The following ZFYVE16 variants were observed in gnomAD, a reference collection of about 807,000 sequenced individuals.
ZFYVE16 encodes zinc finger FYVE domain-containing protein 16.
In ZFYVE16, 89 loss-of-function variants were observed where a neutral mutation model predicts 138.1. The observed-to-expected ratio is 0.64, with a 90% CI of 0.54 to 0.77. The LOEUF is 0.77. Ranked by LOEUF, ZFYVE16 falls within the 30% of genes least tolerant of loss-of-function variation. The pLI is 0.00. For missense variants in ZFYVE16, 1,793 were observed against 1,786.7 expected (o/e 1.00, Z -0.06); for synonymous variants, 596 against 618.3 (o/e 0.96, Z 0.53).
At chr5:80,413,196 G>A (rs188087651) in intron 1 of ZFYVE16, among the ~76,000 whole-genome samples, 9 of 152,144 alleles carry the variant, frequency 5.9e-5, no homozygotes, top group African/African-American at 1.9e-4. Context: ...AGAGGGCTGG[G>A]TGCGGTGGCT....
At chr5:80,470,364 G>A (rs1706365400) in intron 15 of ZFYVE16, among the ~76,000 whole-genome samples, 1 of 151,992 alleles carries the variant, frequency 6.6e-6, no homozygotes, top group Admixed American at 6.6e-5. Context: ...GCCTCCCAAA[G>A]TGCTGGGATT....
At chr5:80,433,024 T>C (rs1179474859) in intron 2 of ZFYVE16, among the ~76,000 whole-genome samples, 4 of 152,160 alleles carry the variant, frequency 2.6e-5, no homozygotes, top group South Asian at 2.1e-4. Flanking sequence ...TGGACGTCAG[T>C]GTGGCGATTC....
intron 3 of ZFYVE16, among the ~76,000 whole-genome samples, chr5:80,434,747 A>G (rs1749631278): frequency 6.6e-6 from 1 of 152,206 alleles, no homozygotes; most frequent in Non-Finnish European, 1.5e-5. Context: ...TTGGGATTAT[A>G]GGCATGAGTC....
rs1755334370 is a variant in ZFYVE16 at position 80,483,220 on chromosome 5, A to C, written c.*5843A>C. 6.6e-6 allele frequency: 1 copy of C among 152,254 alleles called. No homozygotes were observed. Among genetic ancestry groups the C allele is most frequent in the African/African-American group, 2.4e-5 (1 of 41,470 alleles). The allele number at this position is 152,254 out of a possible 1,614,324, so 9.4% of individuals were successfully genotyped here. On this transcript the variant is annotated 3_prime_UTR_variant, in exon 19 of 19. Coordinates refer to ENST00000505560, the MANE Select transcript of ZFYVE16 (RefSeq NM_001284236.3). The stretch of plus-strand genomic sequence containing the variant: ...AAAGCTAAAATAATTCATTGCTAGT[A>C]GTCCTCCTTTAACAGAAATGGTAAA...
intron 15 of ZFYVE16, 96 bp from the exon 16 acceptor site, chr5:80,472,665 A>T: frequency 8.4e-7 from 1 of 1,193,986 alleles, no homozygotes. Flanking sequence ...TAAAACTTGT[A>T]TCTTACACAG....
At chr5:80,422,248 G>A (rs887622527) in intron 1 of ZFYVE16, among the ~76,000 whole-genome samples, 1 of 152,032 alleles carries the variant, frequency 6.6e-6, no homozygotes, top group Non-Finnish European at 1.5e-5. Context: ...GTCTTATTGC[G>A]CTAGCCAAGG....
At chr5:80,408,993 T>G (rs1188428283) in intron 1 of ZFYVE16, among the ~76,000 whole-genome samples, 1 of 152,220 alleles carries the variant, frequency 6.6e-6, no homozygotes. Context: ...TCTTCCTTTT[T>G]TTCCTCTCCT....
chr5:80,458,731 A>G (rs1752790715), intron 14 of ZFYVE16, among the ~76,000 whole-genome samples: 1 of 152,180 alleles, frequency 6.6e-6, no homozygotes, highest in South Asian at 2.1e-4. Context: ...TAAATTCCCA[A>G]AAGTGGAATT....
chr5:80,460,409 T>C (rs1752978579), intron 15 of ZFYVE16, among the ~76,000 whole-genome samples: 1 of 152,200 alleles, frequency 6.6e-6, no homozygotes, highest in Admixed American at 6.5e-5. Flanking sequence ...GTCTTTTAAA[T>C]AGAAGTTCTC....
chr5:80,444,045 C>T (rs1236779311), intron 6 of ZFYVE16: 1 of 318,172 alleles, frequency 3.1e-6, no homozygotes, highest in African/African-American at 2.2e-5. Context: ...TACAACCTGT[C>T]ATCAATTAGC....
Position 80,414,699 on chromosome 5 carries a change from T to C in ZFYVE16, c.-94+6546T>C, listed in dbSNP as rs574539278. 4.6e-5 allele frequency among the ~76,000 whole-genome samples: 7 copies of C among 152,336 alleles called. No individual in the cohort carries two copies. The South Asian group carries it at 1.0e-3, about 23-fold the overall frequency. On this transcript the variant is annotated intron_variant, in intron 1 of 18. Transcript: ENST00000505560. ...CAAAAATACAAGATTCATGTCCTTATAGAGCTTAAATTCAGGGAGGGAGGA... is the reference window on the plus strand; with the variant it reads ...CAAAAATACAAGATTCATGTCCTTACAGAGCTTAAATTCAGGGAGGGAGGA...
chr5:80,428,694 G>A (rs1333835551), intron 2 of ZFYVE16, among the ~76,000 whole-genome samples: 1 of 152,144 alleles, frequency 6.6e-6, no homozygotes, highest in Non-Finnish European at 1.5e-5. Context: ...TCGCAAAGAA[G>A]CTAAAAACCT....
At chr5:80,476,908 TTTTAA>T (rs1754964173) in intron 18 of ZFYVE16, among the ~76,000 whole-genome samples, 1 of 152,186 alleles carries the variant, frequency 6.6e-6, no homozygotes, top group African/African-American at 2.4e-5. Context: ...ACCATGGGGT[TTTTAA>T]TTTAAGTAAT....
Position 80,438,203 on chromosome 5 carries a change from T to C in ZFYVE16, c.1518T>C (p.Asn506=). ...CEGFINTFSS[N]DMDGQDLDYF... is the part of the protein sequence containing the mutation. ...GTTTTATTAATACTTTTTCAAGCAA[T>C]GATATGGATGGGCAAGACTTAGATT... Residue 506 remains asparagine (N), a synonymous_variant, in exon 4 of 19, where the codon AAT becomes AAC. Transcript: ENST00000505560. The C allele has an allele frequency of 6.2e-7, 1 of 1,614,012 alleles. No homozygotes were observed. Among genetic ancestry groups the C allele is most frequent in the East Asian group, 2.2e-5 (1 of 44,840 alleles).
At chr5:80,458,053 A>T (rs1025162541) in intron 14 of ZFYVE16, among the ~76,000 whole-genome samples, 40 of 150,016 alleles carry the variant, frequency 2.7e-4, no homozygotes, top group African/African-American at 9.0e-4. Context: ...AAAAAAAAAA[A>T]GGTGGTAAAA....
At chr5:80,472,664 T>C in intron 15 of ZFYVE16, 97 bp from the exon 16 acceptor site, 1 of 1,154,434 alleles carries the variant, frequency 8.7e-7, no homozygotes, top group Non-Finnish European at 1.2e-6. Context: ...TTAAAACTTG[T>C]ATCTTACACA....
At chr5:80,425,193 C>A (rs1313677133) in intron 1 of ZFYVE16, among the ~76,000 whole-genome samples, 1 of 152,138 alleles carries the variant, frequency 6.6e-6, no homozygotes, top group African/African-American at 2.4e-5. Flanking sequence ...GTCTTCAATA[C>A]CTTTTAACCT....
rs763952736 is a variant in ZFYVE16, at chr5:80,479,308, C to G, written c.*1931C>G. The G allele has an allele frequency of 3.3e-5, 5 of 152,142 alleles. No homozygotes were observed. The highest frequency in any genetic ancestry group is 4.8e-5 in the African/African-American group (2 of 41,436). 9.4% of individuals were successfully genotyped at this position (152,142 alleles called of 1,614,324 possible). A position where few individuals can be genotyped will look rare whatever the true frequency, so the allele number is the denominator to read the frequency against. ...TGTCTTTTAATACTACTCTCTTTCT[C>G]TGAATTTTGAAATATGAAGTAAAAT... On this transcript the variant is annotated 3_prime_UTR_variant, in exon 19 of 19. Transcript: ENST00000505560.
chr5:80,432,724 C>G (rs1352285497), intron 2 of ZFYVE16, among the ~76,000 whole-genome samples: 2 of 152,126 alleles, frequency 1.3e-5, no homozygotes, highest in African/African-American at 2.4e-5. Context: ...TACAAAAAAA[C>G]TCAAACAAAT....
Sources: gnomAD v4.1 joint callset for allele counts (sites outside exome capture counted in the v4.1 genomes callset) on GRCh38, gnomAD v4.1.1 for gene constraint, MANE v1.5 for transcripts, NCBI Gene and HGNC (gene_info 2026-07-23, HGNC 2026-07-21) for gene names.